The following NCS1 variants were observed in gnomAD, a reference collection of about 807,000 sequenced individuals.
The protein encoded by NCS1 is frequenin homolog.
Under a neutral mutation model 28.4 loss-of-function variants are expected in NCS1, and 6 were observed. That is an observed-to-expected ratio of 0.21 (90% confidence interval 0.12 to 0.42). The LOEUF is 0.42. NCS1 is among the 10% of genes least tolerant of loss of function. NCS1 has a pLI of 1.00. For synonymous variants in NCS1, 86 were observed against 99.3 expected (o/e 0.87, Z 0.79); for missense variants, 131 against 241.4 (o/e 0.54, Z 3.03).
intron 2 of NCS1, among the ~76,000 whole-genome samples, chr9:130,203,122 GTA>G (rs71499224): frequency 0.051 from 5,031 of 98,382 alleles, 149 homozygotes; most frequent in South Asian, 0.11. Flanking sequence ...GCGTGTGTAT[GTA>G]TATATATATA....
intron 1 of NCS1, among the ~76,000 whole-genome samples, chr9:130,198,885 C>T (rs1029367862): frequency 6.6e-6 from 1 of 152,160 alleles, no homozygotes; most frequent in African/African-American, 2.4e-5. Flanking sequence ...CGCCCCACAG[C>T]CCCAGCTGCC....
In NCS1 at chr9:130,172,538, C is replaced by T; in HGVS notation, c.-126C>T. On this transcript the variant is annotated 5_prime_UTR_variant, in exon 1 of 8. Coordinates refer to ENST00000372398, the MANE Select transcript of NCS1 (RefSeq NM_014286.4). ...CCCCGGGCGCCCCGGCGCCGACAGC[C>T]GCGCAGCGCAGCGCGGGCGCCGCAG... 3.2e-6 allele frequency: 1 copy of T among 316,560 alleles called. No homozygotes were observed. The highest frequency in any genetic ancestry group is 4.5e-6 in the Non-Finnish European group (1 of 220,814). The allele number at this position is 316,560 out of a possible 1,614,324, so 19.6% of individuals were successfully genotyped here. A position where few individuals can be genotyped will look rare whatever the true frequency, so the allele number is the denominator to read the frequency against.
rs565554925 is a variant in NCS1 at position 130,232,100 on chromosome 9, C to T, written c.*18-890C>T. On this transcript the variant is annotated intron_variant, in intron 7 of 7. Coordinates refer to ENST00000372398, the MANE Select transcript of NCS1 (RefSeq NM_014286.4). The surrounding 1 kb of genome is among the most constrained non-coding windows in gnomAD (Gnocchi z 4.4). ...CAGCTGGAATTATAGGTGTGCGCAGCCACGTCCGGCTAATTTTTGTATTTT... is the reference window on the plus strand; with the variant it reads ...CAGCTGGAATTATAGGTGTGCGCAGTCACGTCCGGCTAATTTTTGTATTTT... Among the ~76,000 whole-genome samples the T allele has an allele frequency of 3.3e-5, 5 of 152,256 alleles. No homozygotes were observed. Among genetic ancestry groups the T allele is most frequent in the African/African-American group, 1.2e-4 (5 of 41,556 alleles).
chr9:130,176,622 A>G (rs77349061), intron 1 of NCS1, among the ~76,000 whole-genome samples: 1,629 of 152,336 alleles, frequency 0.011, 10 homozygotes, highest in Admixed American at 0.018. Context: ...CCTGGCACAC[A>G]GAAGGTGACA....
chr9:130,221,351 A>AT (rs1833284833), intron 4 of NCS1, among the ~76,000 whole-genome samples: 1 of 135,970 alleles, frequency 7.4e-6, no homozygotes, highest in African/African-American at 3.0e-5. Context: ...TATATATATA[A>AT]AATATTTAAT....
chr9:130,216,374 G>A (rs1162764108), intron 2 of NCS1, among the ~76,000 whole-genome samples: 1 of 152,160 alleles, frequency 6.6e-6, no homozygotes, highest in Non-Finnish European at 1.5e-5. Context: ...GGGCTTCGAG[G>A]ACTTGCAAAT....
At position 130,209,978 on chromosome 9, in the gene NCS1, C is replaced by T. The variant is rs563514243; in HGVS notation, c.90-7854C>T. Among the ~76,000 whole-genome samples, 2 of 152,044 alleles carry T rather than the reference C, an allele frequency of 1.3e-5. No homozygotes were observed. Among genetic ancestry groups the T allele is most frequent in the South Asian group, 4.1e-4 (2 of 4,820 alleles). On this transcript the variant is annotated intron_variant, in intron 2 of 7. Transcript: ENST00000372398. The surrounding 1 kb of genome is among the most constrained non-coding windows in gnomAD (Gnocchi z 4.4). The stretch of plus-strand genomic sequence containing the variant: ...TCTCTGGACCCCAAAGAGTTAAGAC[C>T]CTGTTCGCGAACAAGGTTGTGTGAG...
chr9:130,173,909 A>G (rs1832527343), intron 1 of NCS1, among the ~76,000 whole-genome samples: 1 of 151,894 alleles, frequency 6.6e-6, no homozygotes, highest in African/African-American at 2.4e-5. Flanking sequence ...CATGCCCCTC[A>G]CCCCTCATGC....
At chr9:130,227,942 A>G (rs1281644066) in intron 7 of NCS1, among the ~76,000 whole-genome samples, 1 of 152,168 alleles carries the variant, frequency 6.6e-6, no homozygotes, top group Non-Finnish European at 1.5e-5. Context: ...CTTGTCAGCC[A>G]TTGGCCAGGG....
chr9:130,198,948 C>T (rs1351235587), intron 1 of NCS1, among the ~76,000 whole-genome samples: 1 of 152,176 alleles, frequency 6.6e-6, no homozygotes, highest in Non-Finnish European at 1.5e-5. Flanking sequence ...GGACACCTTC[C>T]CTCTCCACCC....
At position 130,178,893 on chromosome 9, in the gene NCS1, C is replaced by T. The variant is rs1351053240; in HGVS notation, c.64+6166C>T. ...TCCCCTCCCCTCCCTTCTTTCCCCT[C>T]CCCTGCCCTCCCCTCCCCTTCCCTC... is the stretch of plus-strand genomic sequence containing the variant. On this transcript the variant is annotated intron_variant, in intron 1 of 7. Transcript: ENST00000372398. 2.2e-3 allele frequency among the ~76,000 whole-genome samples: 79 copies of T among 35,972 alleles called. 4 individuals are homozygous for T. The highest frequency in any genetic ancestry group is 7.9e-3 in the African/African-American group (75 of 9,548). The allele number at this position is 35,972 out of a possible 152,430, so 23.6% of individuals were successfully genotyped here.
chr9:130,223,618 T>C (rs1833370150), intron 6 of NCS1, among the ~76,000 whole-genome samples: 1 of 152,070 alleles, frequency 6.6e-6, no homozygotes, highest in South Asian at 2.1e-4. Context: ...ACCCCCGAAA[T>C]TGCGAGCTGT....
intron 2 of NCS1, among the ~76,000 whole-genome samples, chr9:130,204,581 G>A (rs1237007988): frequency 1.3e-5 from 2 of 152,134 alleles, no homozygotes; most frequent in African/African-American, 4.8e-5. Context: ...GAGCCACTGC[G>A]CCCGCCTCTG....
At chr9:130,195,972 GC>G (rs1247805678) in intron 1 of NCS1, among the ~76,000 whole-genome samples, 4 of 152,194 alleles carry the variant, frequency 2.6e-5, no homozygotes, top group African/African-American at 9.7e-5. Flanking sequence ...AGAGGCGGAG[GC>G]CCTGTTAATT....
chr9:130,227,780 A>G (rs1833436917), intron 7 of NCS1, among the ~76,000 whole-genome samples: 1 of 152,194 alleles, frequency 6.6e-6, no homozygotes, highest in Non-Finnish European at 1.5e-5. Flanking sequence ...AAACATTAGG[A>G]ATTTGGCACA....
At chr9:130,205,062 G>A (rs1554907896) in intron 2 of NCS1, among the ~76,000 whole-genome samples, 1 of 152,104 alleles carries the variant, frequency 6.6e-6, no homozygotes, top group African/African-American at 2.4e-5. Flanking sequence ...ATGTCCTGTG[G>A]GGAAACGAAG....
intron 1 of NCS1, among the ~76,000 whole-genome samples, chr9:130,196,945 C>CT (rs1265713507): frequency 6.6e-5 from 10 of 152,186 alleles, no homozygotes; most frequent in Non-Finnish European, 1.5e-4. Flanking sequence ...TGTTTAGACT[C>CT]TTTTTTTCTG....
chr9:130,173,447 G>A (rs946446602), intron 1 of NCS1, among the ~76,000 whole-genome samples: 2 of 152,182 alleles, frequency 1.3e-5, no homozygotes, highest in Non-Finnish European at 2.9e-5. Context: ...GCCTCAGTGT[G>A]TCTCCCTCCA....
In NCS1 at chr9:130,201,471, C is replaced by T. The variant is rs371553102; in HGVS notation, c.89+489C>T. 2.0e-4 allele frequency among the ~76,000 whole-genome samples: 30 copies of T among 152,152 alleles called. 1 individual carries two copies. Among genetic ancestry groups the T allele is most frequent in the South Asian group, 1.2e-3 (6 of 4,824 alleles). On this transcript the variant is annotated intron_variant, in intron 2 of 7. Coordinates refer to ENST00000372398, the MANE Select transcript of NCS1 (RefSeq NM_014286.4). ...CCGTGATAAGGATTCCGAGGCCGTACGTCATGGAGCAAATGGAAAAGCGGC... is the reference window on the plus strand; with the variant it reads ...CCGTGATAAGGATTCCGAGGCCGTATGTCATGGAGCAAATGGAAAAGCGGC...
Sources: gnomAD v4.1 joint callset for allele counts (sites outside exome capture counted in the v4.1 genomes callset) on GRCh38, gnomAD v4.1.1 for gene constraint, Gnocchi (gnomAD v3.1) non-coding constraint, MANE v1.5 for transcripts, NCBI Gene and HGNC (gene_info 2026-07-23, HGNC 2026-07-21) for gene names.